COL19A1: variants seen among roughly 807,000 people sequenced by gnomAD.
The protein encoded by COL19A1 is collagen alpha-1(XIX) chain.
Under a neutral mutation model 190.2 loss-of-function variants are expected in COL19A1, and 159 were observed. The ratio of observed to expected loss-of-function variants is 0.84; its 90% CI spans 0.73 to 0.95. COL19A1 has a LOEUF of 0.95. Ranked by LOEUF, COL19A1 falls within the 40% of genes least tolerant of loss-of-function variation. The pLI, the probability that COL19A1 is intolerant of heterozygous loss-of-function variation, is 0.00. For synonymous variants in COL19A1, 509 were observed against 458.9 expected (o/e 1.11, Z -1.39); for missense variants, 1,418 against 1,431.9 (o/e 0.99, Z 0.16).
chr6:70,004,080 C>T (rs2150087153), intron 11 of COL19A1, among the ~76,000 whole-genome samples: 1 of 152,268 alleles, frequency 6.6e-6, no homozygotes, highest in East Asian at 1.9e-4. Flanking sequence ...GTAACACAAT[C>T]CCTCAGCATT....
chr6:69,909,785 T>A (rs1411536745), intron 4 of COL19A1, among the ~76,000 whole-genome samples: 2 of 152,156 alleles, frequency 1.3e-5, no homozygotes, highest in East Asian at 3.8e-4. Context: ...CACATCCAGA[T>A]GGCTTAAGTT....
chr6:70,094,511 T>C (rs747722926), intron 15 of COL19A1, among the ~76,000 whole-genome samples: 44 of 152,112 alleles, frequency 2.9e-4, no homozygotes, highest in Non-Finnish European at 5.4e-4. Flanking sequence ...GGGTTTGGGG[T>C]CTGTGTGCCA....
At chr6:69,961,420 A>G (rs1020377977) in intron 10 of COL19A1, among the ~76,000 whole-genome samples, 1 of 152,192 alleles carries the variant, frequency 6.6e-6, no homozygotes, top group African/African-American at 2.4e-5. Context: ...AAGCCAAGGG[A>G]TGTGCAGATT....
chr6:69,947,061 CT>C (rs1773865393), intron 9 of COL19A1, among the ~76,000 whole-genome samples: 1 of 151,828 alleles, frequency 6.6e-6, no homozygotes, highest in Non-Finnish European at 1.5e-5. Flanking sequence ...CTCTCTGGCC[CT>C]TTGTTGAAAA....
At chr6:69,928,944 C>T (rs889380127) in intron 5 of COL19A1, among the ~76,000 whole-genome samples, 3 of 152,080 alleles carry the variant, frequency 2.0e-5, no homozygotes, top group Admixed American at 2.0e-4. Context: ...TTTCTCTGTA[C>T]CTTGCAAAGT....
chr6:69,867,845 A>G (rs1767571506), intron 1 of COL19A1, among the ~76,000 whole-genome samples: 1 of 152,076 alleles, frequency 6.6e-6, no homozygotes, highest in Non-Finnish European at 1.5e-5. Context: ...GAATGCTGAT[A>G]ATAAGTAGTT....
At chr6:70,156,275 G>A in intron 32 of COL19A1, 41 bp from the exon 33 acceptor site, 1 of 1,613,146 alleles carries the variant, frequency 6.2e-7, no homozygotes, top group Non-Finnish European at 8.5e-7. Context: ...TGGGTTACAT[G>A]TAGTGCATCC....
chr6:70,132,589 C>G (rs910914557), intron 18 of COL19A1, among the ~76,000 whole-genome samples: 4 of 152,206 alleles, frequency 2.6e-5, no homozygotes, highest in Non-Finnish European at 5.9e-5. Context: ...TCAGAGATCT[C>G]TGTTGCACCT....
At position 70,182,984 on chromosome 6, in the gene COL19A1, TG is replaced by T. The variant is rs367776139; in HGVS notation, c.2776-1717del. Among the ~76,000 whole-genome samples the T allele has an allele frequency of 4.3e-3, 655 of 152,134 alleles. 6 individuals are homozygous for T. The highest frequency in any genetic ancestry group is 0.013 in the African/African-American group (537 of 41,518). Reference sequence around the variant, plus strand: ...AAGATTGACGCAACTGGTGGAGGGATGGTGAGAGGGGTCTCTTTTGTTTGTT... The same window carrying T: ...AAGATTGACGCAACTGGTGGAGGGATGTGAGAGGGGTCTCTTTTGTTTGTT... On this transcript the variant is annotated intron_variant, in intron 44 of 50. Transcript: ENST00000620364.
intron 23 of COL19A1, 67 bp from the exon 24 acceptor site, chr6:70,144,143 G>A: frequency 6.7e-6 from 9 of 1,346,554 alleles, no homozygotes; most frequent in Non-Finnish European, 9.5e-6. Flanking sequence ...GAGATTCACA[G>A]ATATAGGGAA....
chr6:70,050,913 T>C (rs535915927), intron 14 of COL19A1, among the ~76,000 whole-genome samples: 1 of 152,226 alleles, frequency 6.6e-6, no homozygotes, highest in East Asian at 1.9e-4. Context: ...AAAGTCATAT[T>C]TTGCAAAATA....
intron 16 of COL19A1, among the ~76,000 whole-genome samples, chr6:70,111,677 G>A (rs925839446): frequency 5.3e-5 from 8 of 152,118 alleles, no homozygotes; most frequent in Non-Finnish European, 1.0e-4. Context: ...ATGGGGCCAC[G>A]TGTTTTAAAA....
At chr6:69,870,263 ATC>A (rs1767742463) in intron 1 of COL19A1, among the ~76,000 whole-genome samples, 2 of 152,360 alleles carry the variant, frequency 1.3e-5, no homozygotes, top group Non-Finnish European at 2.9e-5. Flanking sequence ...ATAAAATACA[ATC>A]TGTTTTCTCC....
intron 46 of COL19A1, among the ~76,000 whole-genome samples, chr6:70,187,332 A>ACATACACAAACATG: frequency 6.9e-6 from 1 of 144,844 alleles, no homozygotes; most frequent in East Asian, 2.0e-4. Context: ...CTCAACGTGC[A>ACATACACAAACATG]CACACACATG....
intron 46 of COL19A1, 139 bp from the exon 47 acceptor site, chr6:70,187,936 A>T (rs1462236977): frequency 2.2e-6 from 2 of 927,268 alleles, no homozygotes; most frequent in Admixed American, 5.9e-5. Flanking sequence ...GTAGGAGAGG[A>T]GGCTAGGACA....
intron 11 of COL19A1, among the ~76,000 whole-genome samples, chr6:69,965,686 C>T (rs1181245016): frequency 2.0e-5 from 3 of 152,188 alleles, no homozygotes; most frequent in African/African-American, 4.8e-5. Context: ...TAAGTTCTCT[C>T]AGAAAGGTTG....
intron 15 of COL19A1, among the ~76,000 whole-genome samples, chr6:70,101,584 T>C (rs541010908): frequency 6.6e-6 from 1 of 152,314 alleles, no homozygotes; most frequent in East Asian, 1.9e-4. Context: ...CTTCATTCAG[T>C]ATATGTAATT....
At chr6:70,165,303 T>A (rs552974259) in intron 36 of COL19A1, among the ~76,000 whole-genome samples, 2 of 152,312 alleles carry the variant, frequency 1.3e-5, no homozygotes, top group Admixed American at 1.3e-4. Flanking sequence ...CTATTTTCAG[T>A]CTGCTTCTCC....
At chr6:69,967,995 C>A (rs973004917) in intron 11 of COL19A1, among the ~76,000 whole-genome samples, 37 of 152,158 alleles carry the variant, frequency 2.4e-4, no homozygotes, top group African/African-American at 8.4e-4. Context: ...TAAAGTCATG[C>A]ATCAAAACAT....
Sources: allele counts gnomAD v4.1 joint callset (sites outside exome capture counted in the v4.1 genomes callset), GRCh38; gene constraint gnomAD v4.1.1; transcripts MANE v1.5; gene names NCBI Gene and HGNC (gene_info 2026-07-23, HGNC 2026-07-21).